TMOD3: variants seen among roughly 807,000 people sequenced by gnomAD.
TMOD3 encodes the protein tropomodulin-3.
In TMOD3, 20 loss-of-function variants were observed where a neutral mutation model predicts 39.2. That is an observed-to-expected ratio of 0.51 (90% CI 0.36 to 0.74). The LOEUF is 0.74. Among genes scored for constraint, TMOD3 ranks in the 30% least tolerant of loss-of-function variants. TMOD3 has a pLI of 0.00. For missense variants in TMOD3, 381 were observed against 412.8 expected, an observed-to-expected ratio of 0.92 and a Z score of 0.67; for synonymous variants, 143 against 145.8, an observed-to-expected ratio of 0.98 and a Z score of 0.14.
At chr15:51,885,991 G>A (rs895372449) in intron 3 of TMOD3, among the ~76,000 whole-genome samples, 10 of 151,396 alleles carry the variant, frequency 6.6e-5, no homozygotes, top group South Asian at 2.1e-4. Context: ...CGGACGGGGC[G>A]GCTGGCCAGG....
chr15:51,885,509 C>G (rs2056556416), intron 3 of TMOD3, among the ~76,000 whole-genome samples: 1 of 152,100 alleles, frequency 6.6e-6, no homozygotes, highest in Non-Finnish European at 1.5e-5. Context: ...AGCATGCTGC[C>G]TTTAAGCATC....
At chr15:51,870,920 A>G (rs564183063) in intron 3 of TMOD3, among the ~76,000 whole-genome samples, 1 of 152,254 alleles carries the variant, frequency 6.6e-6, no homozygotes, top group Non-Finnish European at 1.5e-5. Context: ...ATTTCTTCCT[A>G]CTTTGGGGAG....
intron 6 of TMOD3, among the ~76,000 whole-genome samples, chr15:51,895,368 C>G (rs1161016283): frequency 6.6e-6 from 1 of 151,860 alleles, no homozygotes; most frequent in Non-Finnish European, 1.5e-5. Context: ...TACAGGCATC[C>G]ACCACCACAC....
chr15:51,856,763 TA>T (rs2056389878), intron 1 of TMOD3, among the ~76,000 whole-genome samples: 1 of 152,188 alleles, frequency 6.6e-6, no homozygotes, highest in South Asian at 2.1e-4. Flanking sequence ...AATACTCTGA[TA>T]ATACCAACAA....
At chr15:51,888,716 C>G (rs984791028) in intron 4 of TMOD3, among the ~76,000 whole-genome samples, 1 of 151,970 alleles carries the variant, frequency 6.6e-6, no homozygotes, top group Non-Finnish European at 1.5e-5. Context: ...TTCCTAGAAA[C>G]CTTGTGAAAT....
In TMOD3 at chr15:51,913,741, T is replaced by C. The variant is rs1166329829; in HGVS notation, c.*4931T>C. On this transcript the variant is annotated 3_prime_UTR_variant, in exon 10 of 10. Coordinates refer to ENST00000308580, the MANE Select transcript of TMOD3 (RefSeq NM_014547.5). ...CACATAAAGAATTTTGGCCAAGTAC[T>C]GTGGCTTATGCCTGTAATCCTAGCA... The C allele has an allele frequency of 2.0e-5, 3 of 152,120 alleles. No homozygotes were observed. The highest frequency in any genetic ancestry group is 4.4e-5 in the Non-Finnish European group (3 of 68,016). The allele number at this position is 152,120 out of a possible 1,614,324, so 9.4% of individuals were successfully genotyped here.
intron 1 of TMOD3, among the ~76,000 whole-genome samples, chr15:51,846,422 G>GT (rs1477429565): frequency 6.6e-6 from 1 of 152,204 alleles, no homozygotes; most frequent in Non-Finnish European, 1.5e-5. Flanking sequence ...TGTTCACTGC[G>GT]TAACATTCAA....
At chr15:51,849,117 G>C (rs2141674494) in intron 1 of TMOD3, among the ~76,000 whole-genome samples, 1 of 152,322 alleles carries the variant, frequency 6.6e-6, no homozygotes, top group Non-Finnish European at 1.5e-5. Context: ...AGTGGAGATG[G>C]TAAAGAGATG....
Position 51,902,011 on chromosome 15 carries a change from T to C in TMOD3, c.999T>C (p.Asn333=), listed in dbSNP as rs1235426992. 4 of 1,614,062 alleles carry C rather than the reference T, an allele frequency of 2.5e-6. No homozygotes were observed. Among genetic ancestry groups the C allele is most frequent in the Non-Finnish European group, 8.5e-7 (1 of 1,180,014 alleles). ...TQQGPRTRAA[N]AITKNNDLVR... ...AGGGACCACGAACCAGAGCAGCTAA[T>C]GCTATAACAAAAAACAATGACTTAG... is the stretch of plus-strand genomic sequence containing the variant. The change falls in exon 9 of 10, where the codon AAT becomes AAC. Residue 333 remains asparagine (N), a synonymous_variant. Transcript: ENST00000308580.
intron 3 of TMOD3, among the ~76,000 whole-genome samples, chr15:51,875,531 T>C (rs1398116789): frequency 6.6e-6 from 1 of 152,002 alleles, no homozygotes; most frequent in Admixed American, 6.6e-5. Flanking sequence ...GGGGAACATT[T>C]CCTGGATAAC....
Position 51,910,911 on chromosome 15 carries a change from C to CT in TMOD3, c.*2103dup, listed in dbSNP as rs1288995901. ...TTAGCAAGGCTCACTTGCTTGCTTT[C>CT]TTGCCTCCCTTGCCTCCATCCCTCT... On this transcript the variant is annotated 3_prime_UTR_variant, in exon 10 of 10. Coordinates refer to ENST00000308580, the MANE Select transcript of TMOD3 (RefSeq NM_014547.5). 1 of 152,266 alleles carries CT rather than the reference C, an allele frequency of 6.6e-6. No individual in the cohort carries two copies. The highest frequency in any genetic ancestry group is 1.5e-5 in the Non-Finnish European group (1 of 68,068). 9.4% of individuals were successfully genotyped at this position (152,266 alleles called of 1,614,324 possible).
In TMOD3 at chr15:51,908,867, G is replaced by T. The variant is rs372092293; in HGVS notation, c.*57G>T. 4.1e-6 allele frequency: 6 copies of T among 1,455,138 alleles called. No homozygotes were observed. In the East Asian group the frequency reaches 1.4e-4, roughly 35 times the overall value. The allele number at this position is 1,455,138 out of a possible 1,614,324, so 90.1% of individuals were successfully genotyped here. On this transcript the variant is annotated 3_prime_UTR_variant, in exon 10 of 10. Transcript: ENST00000308580. Reference sequence around the variant, plus strand: ...AGAAGATCACCAAGGGCTCATGTTGGTGACATCATGTAAAATTTTCCTGGG... The same window carrying T: ...AGAAGATCACCAAGGGCTCATGTTGTTGACATCATGTAAAATTTTCCTGGG...
At chr15:51,891,754 TC>T (rs1278193804) in intron 5 of TMOD3, among the ~76,000 whole-genome samples, 1 of 152,182 alleles carries the variant, frequency 6.6e-6, no homozygotes, top group Non-Finnish European at 1.5e-5. Flanking sequence ...AGGAAGTTCT[TC>T]CCTAGCTATC....
intron 1 of TMOD3, chr15:51,833,508 A>G (rs989908714): frequency 2.6e-5 from 4 of 152,210 alleles, no homozygotes; most frequent in Non-Finnish European, 4.4e-5. Context: ...CACCCTAGAA[A>G]GTTCCCTCAC....
intron 9 of TMOD3, among the ~76,000 whole-genome samples, chr15:51,903,538 T>G (rs1195414567): frequency 6.6e-6 from 1 of 152,242 alleles, no homozygotes; most frequent in Non-Finnish European, 1.5e-5. Flanking sequence ...GCTCAAACTC[T>G]TTCTGTCCTT....
At position 51,879,354 on chromosome 15, in the gene TMOD3, GT is replaced by G. The variant is rs998256394; in HGVS notation, c.284-8225del. Among the ~76,000 whole-genome samples the G allele has an allele frequency of 1.5e-4, 22 of 147,146 alleles. No individual in the cohort carries two copies. The East Asian group carries it at 2.4e-3, about 16-fold the overall frequency. On this transcript the variant is annotated intron_variant, in intron 3 of 9. Coordinates refer to ENST00000308580, the MANE Select transcript of TMOD3 (RefSeq NM_014547.5). The stretch of plus-strand genomic sequence containing the variant: ...TGTATCATTTCATACTTATCTGAGA[GT>G]TTTTTTTTTCTGATCTCATCATTGT...
chr15:51,847,312 C>A (rs1287549802), intron 1 of TMOD3, among the ~76,000 whole-genome samples: 1 of 152,158 alleles, frequency 6.6e-6, no homozygotes, highest in Non-Finnish European at 1.5e-5. Context: ...AGATTTCAAA[C>A]TATTTTCTCT....
intron 6 of TMOD3, among the ~76,000 whole-genome samples, chr15:51,895,912 C>T (rs1291134363): frequency 6.6e-6 from 1 of 152,102 alleles, no homozygotes; most frequent in East Asian, 1.9e-4. Flanking sequence ...AGTTCGGGAC[C>T]AGCCTGACCA....
intron 1 of TMOD3, among the ~76,000 whole-genome samples, chr15:51,846,807 T>A (rs536190076): frequency 3.3e-5 from 5 of 152,198 alleles, no homozygotes; most frequent in Non-Finnish European, 7.3e-5. Context: ...TTCTTTTTTT[T>A]AAAGATATTT....
Sources: allele counts gnomAD v4.1 joint callset (sites outside exome capture counted in the v4.1 genomes callset), GRCh38; gene constraint gnomAD v4.1.1; transcripts MANE v1.5; gene names NCBI Gene and HGNC (gene_info 2026-07-23, HGNC 2026-07-21).